CYP39A1: variants seen among roughly 807,000 people sequenced by gnomAD.
CYP39A1 encodes 24-hydroxycholesterol 7-alpha-hydroxylase.
A neutral mutation model predicts 58.1 loss-of-function variants in CYP39A1; 49 were observed. The ratio of observed to expected loss-of-function variants is 0.84; its 90% CI spans 0.67 to 1.07. The LOEUF is 1.07. CYP39A1 is among the 50% of genes least tolerant of loss of function. The pLI is 0.00. For synonymous variants in CYP39A1, 209 were observed against 187.6 expected (o/e 1.11, Z -0.93); for missense variants, 531 against 539.4 (o/e 0.98, Z 0.16).
chr6:46,617,503 T>C (rs914281410), intron 7 of CYP39A1, among the ~76,000 whole-genome samples: 2 of 152,076 alleles, frequency 1.3e-5, no homozygotes, highest in Non-Finnish European at 2.9e-5. Context: ...ATAGCATACC[T>C]CCAGAGCTAT....
At chr6:46,569,375 C>A (rs1582308269) in intron 10 of CYP39A1, among the ~76,000 whole-genome samples, 1 of 151,842 alleles carries the variant, frequency 6.6e-6, no homozygotes, top group South Asian at 2.1e-4. Context: ...TCTTTTTTTG[C>A]CTAATTGCTC....
chr6:46,586,260 G>T, intron 10 of CYP39A1: 2 of 983,346 alleles, frequency 2.0e-6, no homozygotes, highest in Non-Finnish European at 1.2e-6. Flanking sequence ...CTGACTTCAA[G>T]AAACTACAAT....
intron 10 of CYP39A1, among the ~76,000 whole-genome samples, chr6:46,565,150 T>C (rs1392299647): frequency 6.6e-6 from 1 of 152,180 alleles, no homozygotes; most frequent in East Asian, 1.9e-4. Context: ...ACAAGTTTCC[T>C]GGTAATCTTA....
chr6:46,622,454 T>C (rs1775017789), intron 7 of CYP39A1, among the ~76,000 whole-genome samples: 1 of 151,092 alleles, frequency 6.6e-6, no homozygotes, highest in Non-Finnish European at 1.5e-5. Context: ...AATGTCCCAT[T>C]AAAAAAAATG....
intron 1 of CYP39A1, among the ~76,000 whole-genome samples, chr6:46,643,968 A>G (rs1186238134): frequency 6.6e-6 from 1 of 152,232 alleles, no homozygotes; most frequent in Non-Finnish European, 1.5e-5. Flanking sequence ...TGTTACAGAA[A>G]GAGCCTACGT....
chr6:46,623,022 G>A (rs939061763), intron 7 of CYP39A1, among the ~76,000 whole-genome samples: 1 of 152,170 alleles, frequency 6.6e-6, no homozygotes, highest in African/African-American at 2.4e-5. Context: ...AGAAGTGAGT[G>A]TTGAAGCCAC....
intron 6 of CYP39A1, among the ~76,000 whole-genome samples, 180 bp downstream of exon 6, chr6:46,630,783 C>G (rs1775610606): frequency 1.3e-5 from 2 of 152,166 alleles, no homozygotes; most frequent in African/African-American, 4.8e-5. Context: ...CCTTTGTAAC[C>G]TAATCAGATT....
chr6:46,645,464 C>T (rs572948492), intron 1 of CYP39A1, among the ~76,000 whole-genome samples: 7 of 152,028 alleles, frequency 4.6e-5, no homozygotes, highest in Admixed American at 1.3e-4. Flanking sequence ...TGTTTTTGCA[C>T]CTTTGCCAAA....
chr6:46,555,810 T>C (rs1271043135), intron 10 of CYP39A1, among the ~76,000 whole-genome samples: 1 of 152,252 alleles, frequency 6.6e-6, no homozygotes, highest in Non-Finnish European at 1.5e-5. Context: ...GACTGTATTT[T>C]ATTTCAAATG....
intron 10 of CYP39A1, among the ~76,000 whole-genome samples, chr6:46,579,222 G>A (rs1310406712): frequency 6.6e-6 from 1 of 151,966 alleles, no homozygotes; most frequent in East Asian, 1.9e-4. Context: ...ATCAATCAAT[G>A]TGATTCATCT....
chr6:46,602,454 G>A (rs1773569373), intron 7 of CYP39A1, among the ~76,000 whole-genome samples: 1 of 152,092 alleles, frequency 6.6e-6, no homozygotes, highest in African/African-American at 2.4e-5. Flanking sequence ...GGGCCCAAGA[G>A]TTTGCATTTC....
chr6:46,586,984 A>G (rs1772504416), intron 10 of CYP39A1, 93 bp downstream of exon 10: 9 of 788,126 alleles, frequency 1.1e-5, no homozygotes, highest in Non-Finnish European at 1.9e-5. Context: ...GTTTAAATAT[A>G]TATATAAAGA....
rs699939 is a variant in CYP39A1, at chr6:46,553,865, C to A, written c.1251-11G>T. 0.28 allele frequency: 426,704 copies of A among 1,537,514 alleles called. 68,163 individuals carry two copies. Among genetic ancestry groups the A allele is most frequent in the African/African-American group, 0.7 (50,733 of 72,034 alleles). ...AACAGAGCAAACCACCTGGAAGAAA[C>A]GAATAAAATTGTTACTTGATTGTGA... On this transcript the variant is annotated splice_polypyrimidine_tract_variant and intron_variant, in intron 10 of 11. Coordinates refer to ENST00000275016, the MANE Select transcript of CYP39A1 (RefSeq NM_016593.5).
intron 7 of CYP39A1, among the ~76,000 whole-genome samples, chr6:46,613,871 G>C (rs186299337): frequency 9.1e-4 from 135 of 147,674 alleles, no homozygotes; most frequent in African/African-American, 3.2e-3. Flanking sequence ...TACTTACGCT[G>C]TCAATTAATC....
chr6:46,607,961 T>A (rs568980090), intron 7 of CYP39A1, among the ~76,000 whole-genome samples: 1 of 152,220 alleles, frequency 6.6e-6, no homozygotes, highest in East Asian at 1.9e-4. Flanking sequence ...TATATAAAGT[T>A]GAAGTGTGTG....
intron 3 of CYP39A1, 47 bp from the exon 4 acceptor site, chr6:46,638,025 A>T: frequency 6.4e-7 from 1 of 1,556,800 alleles, no homozygotes; most frequent in East Asian, 2.3e-5. Flanking sequence ...AGACCAAAGA[A>T]GAAAGGCAAA....
chr6:46,554,644 G>T (rs1296491723), intron 10 of CYP39A1, among the ~76,000 whole-genome samples: 2 of 152,126 alleles, frequency 1.3e-5, no homozygotes, highest in African/African-American at 4.8e-5. Context: ...ATAGAATTCT[G>T]TTATTTTTCC....
intron 10 of CYP39A1, among the ~76,000 whole-genome samples, chr6:46,564,438 C>T (rs867045279): frequency 7.2e-5 from 11 of 152,120 alleles, no homozygotes; most frequent in Middle Eastern, 3.4e-3. Flanking sequence ...TCAAGTGATC[C>T]GCCCATCTCA....
At chr6:46,604,817 T>G (rs1773735514) in intron 7 of CYP39A1, among the ~76,000 whole-genome samples, 1 of 152,164 alleles carries the variant, frequency 6.6e-6, no homozygotes, top group Non-Finnish European at 1.5e-5. Context: ...CCAGGAATGA[T>G]ATCCTTTGCA....
Sources: allele counts gnomAD v4.1 joint callset (sites outside exome capture counted in the v4.1 genomes callset), GRCh38; gene constraint gnomAD v4.1.1; transcripts MANE v1.5; gene names NCBI Gene and HGNC (gene_info 2026-07-23, HGNC 2026-07-21).